RFT1: variants seen among roughly 807,000 people sequenced by gnomAD.
The protein encoded by RFT1 is RFT1 glycolipid translocator homolog.
RFT1 carries 43 observed loss-of-function variants against 62.2 expected under a neutral mutation model. The ratio of observed to expected loss-of-function variants is 0.69; its 90% CI spans 0.54 to 0.89. The LOEUF (loss-of-function observed/expected upper bound fraction) is 0.89. Ranked by LOEUF, RFT1 falls within the 40% of genes least tolerant of loss-of-function variation. RFT1 has a pLI of 0.00. For missense variants in RFT1, 605 were observed against 649.9 expected, an observed-to-expected ratio of 0.93 and a Z score of 0.75; for synonymous variants, 262 against 264.6, an observed-to-expected ratio of 0.99 and a Z score of 0.10.
At chr3:53,092,798 A>C (rs1461897558) in intron 11 of RFT1, among the ~76,000 whole-genome samples, 180 bp from the exon 12 acceptor site, 1 of 152,244 alleles carries the variant, frequency 6.6e-6, no homozygotes, top group African/African-American at 2.4e-5. Context: ...TACCCTGAGC[A>C]GAAAGGTAAG....
the RFT1 span, among the ~76,000 whole-genome samples, chr3:53,071,186 T>A: frequency 3.9e-5 from 6 of 151,988 alleles, no homozygotes; most frequent in African/African-American, 9.7e-5. Context: ...AGCCTAAAAA[T>A]TTTTTTTGAA....
At chr3:53,092,749 G>A (rs543457808) in intron 11 of RFT1, 131 bp from the exon 12 acceptor site, 32 of 1,050,904 alleles carry the variant, frequency 3.0e-5, no homozygotes, top group Non-Finnish European at 4.2e-5. Flanking sequence ...TCATAACATC[G>A]AATGCTACCT....
chr3:53,121,707 A>G lies in RFT1; in HGVS notation c.550T>C (p.Leu184=). 6.2e-7 allele frequency: 1 copy of G among 1,613,110 alleles called. No individual in the cohort carries two copies. The highest frequency in any genetic ancestry group is 8.5e-7 in the Non-Finnish European group (1 of 1,179,168). Reference sequence around the variant, plus strand: ...AAAGCCATGATTCTTACCTGGGCCAAAGAGAAAATGTACAATCCCCAGTGA... The same window carrying G: ...AAAGCCATGATTCTTACCTGGGCCAGAGAGAAAATGTACAATCCCCAGTGA... ...LPHWGLYIFS[L]AQLFYTTVLV... The change falls in exon 5 of 13, where the codon TTG becomes CTG. Residue 184 remains leucine (L), a synonymous_variant. Coordinates refer to ENST00000296292, the MANE Select transcript of RFT1 (RefSeq NM_052859.4).
chr3:53,103,968 G>A lies in RFT1; in HGVS notation c.1087C>T (p.Leu363Phe). 2 of 1,614,234 alleles carry A rather than the reference G, an allele frequency of 1.2e-6. No individual in the cohort carries two copies. The highest frequency in any genetic ancestry group is 1.1e-5 in the South Asian group (1 of 91,090). ...TTGTGCGTACCGGATCCTGAGCTAA[G>A]CATGGTCCCTCCGTAGATATCCAGA... Reference protein sequence around the residue: ...LALDIYGGTMLSSGSGPVLLR... With the variant: ...LALDIYGGTMFSSGSGPVLLR... Residue 363 changes from leucine to phenylalanine, a missense_variant, in exon 10 of 13, where the codon CTT becomes TTT. Coordinates refer to ENST00000296292, the MANE Select transcript of RFT1 (RefSeq NM_052859.4).
rs1232821851 is a variant in RFT1 at position 53,090,185 on chromosome 3, G to A, written c.*1718C>T. On this transcript the variant is annotated 3_prime_UTR_variant, in exon 13 of 13. Coordinates refer to ENST00000296292, the MANE Select transcript of RFT1 (RefSeq NM_052859.4). The stretch of plus-strand genomic sequence containing the variant: ...CCGAGGCAGGTAGAATGAGGATCAT[G>A]CTTGAGTCTGGGGTCAGGTGGGCAC... 1 of 152,966 alleles carries A rather than the reference G, an allele frequency of 6.5e-6. No homozygotes were observed. Among genetic ancestry groups the A allele is most frequent in the Non-Finnish European group, 1.5e-5 (1 of 68,230 alleles). The allele number at this position is 152,966 out of a possible 1,614,324, so 9.5% of individuals were successfully genotyped here.
chr3:53,123,132 A>G (rs932376324), intron 3 of RFT1, among the ~76,000 whole-genome samples: 2 of 152,216 alleles, frequency 1.3e-5, no homozygotes, highest in African/African-American at 4.8e-5. Context: ...CTGTGAGGCA[A>G]TAAGGAGTTA....
At chr3:53,069,810 G>A in the RFT1 span, among the ~76,000 whole-genome samples, 1 of 152,204 alleles carries the variant, frequency 6.6e-6, no homozygotes, top group African/African-American at 2.4e-5. Flanking sequence ...TAACAGCACC[G>A]CTGAAAACAG....
At chr3:53,074,066 G>C in the RFT1 span, among the ~76,000 whole-genome samples, 1 of 152,152 alleles carries the variant, frequency 6.6e-6, no homozygotes, top group Non-Finnish European at 1.5e-5. Flanking sequence ...TCTGGGGGAT[G>C]GGCCCTGGGG....
intron 9 of RFT1, among the ~76,000 whole-genome samples, chr3:53,105,415 G>GCCCC (rs369150776): frequency 1.0e-4 from 1 of 10,036 alleles, no homozygotes; most frequent in African/African-American, 2.1e-4. Context: ...CTCTATCCCC[G>GCCCC]CCCCCCCCCC....
chr3:53,085,816 A>G (rs924899334), downstream of RFT1: 1 of 152,240 alleles, frequency 6.6e-6, no homozygotes, highest in African/African-American at 2.4e-5. Flanking sequence ...TGAAGAATCG[A>G]CTGCGCTGGA....
At chr3:53,079,294 CA>C in the RFT1 span, among the ~76,000 whole-genome samples, 3 of 152,172 alleles carry the variant, frequency 2.0e-5, no homozygotes, top group Admixed American at 2.0e-4. Flanking sequence ...AGATATGACC[CA>C]CACCCCAAAT....
At chr3:53,082,609 C>G in the RFT1 span, among the ~76,000 whole-genome samples, 1 of 152,142 alleles carries the variant, frequency 6.6e-6, no homozygotes, top group African/African-American at 2.4e-5. Flanking sequence ...CAGGGAAAAT[C>G]GAGTCACTTC....
chr3:53,125,035 T>C (rs1702071798), intron 2 of RFT1, among the ~76,000 whole-genome samples: 1 of 152,166 alleles, frequency 6.6e-6, no homozygotes, highest in Non-Finnish European at 1.5e-5. Context: ...TCTCAAAGAA[T>C]GGTCCCTGTT....
At chr3:53,080,699 C>G in the RFT1 span, among the ~76,000 whole-genome samples, 1 of 152,226 alleles carries the variant, frequency 6.6e-6, no homozygotes, top group Non-Finnish European at 1.5e-5. Flanking sequence ...TACCTACCTC[C>G]TCTCACTCCT....
chr3:53,121,632 G>GGAAAAA, intron 5 of RFT1, 67 bp downstream of exon 5: 1 of 1,269,082 alleles, frequency 7.9e-7, no homozygotes, highest in Non-Finnish European at 1.1e-6. Context: ...CACGGCGGTG[G>GGAAAAA]GAACAAGAAG....
At chr3:53,098,578 GA>G (rs1701212638) in intron 11 of RFT1, among the ~76,000 whole-genome samples, 1 of 152,128 alleles carries the variant, frequency 6.6e-6, no homozygotes, top group Non-Finnish European at 1.5e-5. Context: ...CAAGGCGGGA[GA>G]ATCACAAGGT....
Position 53,123,822 on chromosome 3 carries a change from T to G in RFT1, c.168A>C (p.Ser56=), listed in dbSNP as rs377099472. 1.9e-6 allele frequency: 3 copies of G among 1,614,004 alleles called. No homozygotes were observed. The highest frequency in any genetic ancestry group is 1.6e-4 in the Middle Eastern group (1 of 6,062). The change falls in exon 3 of 13, where the codon TCA becomes TCC. Residue 56 remains serine (S), a synonymous_variant. Transcript: ENST00000296292. Reference sequence around the variant, plus strand: ...CCTCTCTGGCCAGGAAGAGGGTGGTTGAGTAAAGCAGCGTTAGTCTGTAAA... The same window carrying G: ...CCTCTCTGGCCAGGAAGAGGGTGGTGGAGTAAAGCAGCGTTAGTCTGTAAA... The part of the protein sequence containing the change: ...VVNVRLTLLY[S]TTLFLAREAF...
chr3:53,101,342 C>T (rs1041546848), intron 10 of RFT1, among the ~76,000 whole-genome samples: 3 of 152,120 alleles, frequency 2.0e-5, no homozygotes, highest in Non-Finnish European at 4.4e-5. Flanking sequence ...AAGTGTGCCT[C>T]CTGCTTCTCC....
In RFT1 at chr3:53,101,150, C is replaced by T. The variant is rs192027245; in HGVS notation, c.1103-1664G>A. 8.5e-4 allele frequency among the ~76,000 whole-genome samples: 129 copies of T among 152,240 alleles called. 2 individuals are homozygous for T. The South Asian group carries it at 0.025, about 30-fold the overall frequency. On this transcript the variant is annotated intron_variant, in intron 10 of 12. Transcript: ENST00000296292. ...AAAAGGAATACTAACAGGGCAGCCC[C>T]GACGCTCAACAAAAAACCGTTTTCC...
Sources: gnomAD v4.1 joint callset for allele counts (sites outside exome capture counted in the v4.1 genomes callset) on GRCh38, gnomAD v4.1.1 for gene constraint, MANE v1.5 for transcripts, NCBI Gene and HGNC (gene_info 2026-07-23, HGNC 2026-07-21) for gene names.